The following NUP155 variants were observed in gnomAD, a reference collection of about 807,000 sequenced individuals.
NUP155 encodes the protein nuclear pore complex protein Nup155.
NUP155 carries 71 observed loss-of-function variants against 180.4 expected under a neutral mutation model. That is an observed-to-expected ratio of 0.39 (90% CI 0.33 to 0.48). The LOEUF (loss-of-function observed/expected upper bound fraction) is 0.48, where lower values mean the gene tolerates loss of function less well. Ranked by LOEUF, NUP155 falls within the 20% of genes least tolerant of loss-of-function variation. The probability of loss-of-function intolerance (pLI) is 0.91; values close to 1 mark genes in which losing one functional copy is unlikely to be tolerated. For synonymous variants in NUP155, 582 were observed against 559.5 expected (o/e 1.04, Z -0.57); for missense variants, 1,553 against 1,648.9 (o/e 0.94, Z 1.01).
chr5:37,313,471 A>G (rs997821536), intron 22 of NUP155, among the ~76,000 whole-genome samples: 1 of 94,438 alleles, frequency 1.1e-5, no homozygotes, highest in African/African-American at 5.2e-5. Context: ...GGAGTGGTGT[A>G]TATGTGTGTG....
At chr5:37,305,993 C>A (rs746482798) in intron 25 of NUP155, among the ~76,000 whole-genome samples, 29 of 152,170 alleles carry the variant, frequency 1.9e-4, no homozygotes, top group Non-Finnish European at 2.9e-4. Flanking sequence ...AATAGATGTA[C>A]ATATTTGGCA....
intron 32 of NUP155, among the ~76,000 whole-genome samples, chr5:37,298,003 C>A (rs1271726864): frequency 6.6e-6 from 1 of 150,930 alleles, no homozygotes; most frequent in African/African-American, 2.4e-5. Context: ...CTTGGGAGGC[C>A]AAGGCAAGCG....
At chr5:37,332,979 A>G (rs1745078170) in intron 13 of NUP155, among the ~76,000 whole-genome samples, 1 of 151,942 alleles carries the variant, frequency 6.6e-6, no homozygotes, top group African/African-American at 2.4e-5. Context: ...TAAATAAAAT[A>G]AAATATCAAC....
chr5:37,296,730 T>A (rs1742602346), intron 32 of NUP155, among the ~76,000 whole-genome samples: 1 of 147,316 alleles, frequency 6.8e-6, no homozygotes, highest in East Asian at 1.9e-4. Context: ...TTTCCTCACT[T>A]TAACAGCTTT....
Position 37,301,551 on chromosome 5 carries a change from C to T in NUP155, c.3448-1G>A. ...GTATCTGAAGTTGGATCCTAGCAAC[C>T]TAGTTTGGGCAGAAAACAGGATGTC... On this transcript the variant is annotated splice_acceptor_variant, in intron 29 of 34. Transcript: ENST00000231498. LOFTEE classifies it high-confidence loss of function. 1 of 1,566,384 alleles carries T rather than the reference C, an allele frequency of 6.4e-7. No individual in the cohort carries two copies. Among genetic ancestry groups the T allele is most frequent in the Non-Finnish European group, 8.8e-7 (1 of 1,136,742 alleles).
At chr5:37,303,943 C>T (rs1743004302) in intron 27 of NUP155, among the ~76,000 whole-genome samples, 1 of 149,964 alleles carries the variant, frequency 6.7e-6, no homozygotes, top group East Asian at 2.0e-4. Flanking sequence ...TGAGACCCTG[C>T]CTCAAAAAAG....
intron 17 of NUP155, among the ~76,000 whole-genome samples, chr5:37,328,000 G>A (rs1380058400): frequency 6.6e-6 from 1 of 152,182 alleles, no homozygotes; most frequent in African/African-American, 2.4e-5. Context: ...AGATTTAAAT[G>A]TGGATGGGTA....
At chr5:37,339,286 G>C (rs898428017) in intron 11 of NUP155, among the ~76,000 whole-genome samples, 3 of 149,030 alleles carry the variant, frequency 2.0e-5, no homozygotes, top group Admixed American at 6.7e-5. Context: ...ACTCCTGCTT[G>C]GGTGACAGTA....
chr5:37,297,600 G>C (rs944264587), intron 32 of NUP155, among the ~76,000 whole-genome samples: 1 of 151,662 alleles, frequency 6.6e-6, no homozygotes, highest in Non-Finnish European at 1.5e-5. Flanking sequence ...GGCTGGTCTC[G>C]AACTCCTGGG....
At chr5:37,296,662 C>T (rs1042428346) in intron 32 of NUP155, among the ~76,000 whole-genome samples, 3 of 150,060 alleles carry the variant, frequency 2.0e-5, no homozygotes, top group East Asian at 1.9e-4. Flanking sequence ...TCCCCCTCTG[C>T]GAGAAACACC....
chr5:37,308,336 T>C (rs1174430844), intron 24 of NUP155, among the ~76,000 whole-genome samples: 1 of 151,934 alleles, frequency 6.6e-6, no homozygotes, highest in Non-Finnish European at 1.5e-5. Context: ...GTGGATCACC[T>C]GAGGTCAGGA....
chr5:37,325,768 C>CA (rs58741619), intron 19 of NUP155, 133 bp downstream of exon 19: 78,600 of 354,766 alleles, frequency 0.22, 6,338 homozygotes, highest in African/African-American at 0.33. Context: ...GACTCTGTCT[C>CA]AAAAAAAAAA....
intron 19 of NUP155, 132 bp downstream of exon 19, chr5:37,325,769 A>C (rs1744556719): frequency 1.6e-5 from 1 of 64,218 alleles, no homozygotes. Flanking sequence ...ACTCTGTCTC[A>C]AAAAAAAAAA....
At chr5:37,304,588 G>A in intron 27 of NUP155, 151 bp downstream of exon 27, 1 of 655,724 alleles carries the variant, frequency 1.5e-6, no homozygotes, top group Non-Finnish European at 2.7e-6. Context: ...TTGCCCCTTA[G>A]GAAAAGATAC....
Position 37,371,048 on chromosome 5 carries a change from G to T in NUP155, c.-71C>A. 3 of 1,550,166 alleles carry T rather than the reference G, an allele frequency of 1.9e-6. No individual in the cohort carries two copies. Among genetic ancestry groups the T allele is most frequent in the Non-Finnish European group, 2.7e-6 (3 of 1,131,662 alleles). ...GGAGAAACAAGAAAAGATCCAAGAA[G>T]TTAGCTTAGATCCGCCGCCTAGGGC... On this transcript the variant is annotated 5_prime_UTR_variant, in exon 1 of 35. Coordinates refer to ENST00000231498, the MANE Select transcript of NUP155 (RefSeq NM_153485.3).
chr5:37,368,108 T>G (rs1747721232), intron 1 of NUP155, among the ~76,000 whole-genome samples: 1 of 151,778 alleles, frequency 6.6e-6, no homozygotes, highest in African/African-American at 2.4e-5. Flanking sequence ...GGTTTTGCCA[T>G]GTTGCTCACT....
At position 37,314,219 on chromosome 5, in the gene NUP155, G is replaced by A; in HGVS notation, c.2415C>T (p.Ile805=). 1 of 1,608,526 alleles carries A rather than the reference G, an allele frequency of 6.2e-7. No homozygotes were observed. Among genetic ancestry groups the A allele is most frequent in the East Asian group, 2.2e-5 (1 of 44,826 alleles). ...WKLLCEHQFT[I]IVAELQKELQ... is the part of the protein sequence containing the mutation. ...TTACCTTCTGAAGTTCTGCCACAATGATAGTGAATTGATGTTCACAAAGAA... is the reference window on the plus strand; with the variant it reads ...TTACCTTCTGAAGTTCTGCCACAATAATAGTGAATTGATGTTCACAAAGAA... The change falls in exon 22 of 35, where the codon ATC becomes ATT. Residue 805 remains isoleucine, a synonymous_variant. Transcript: ENST00000231498.
In NUP155 at chr5:37,290,904, T is replaced by C. The variant is rs1043305100; in HGVS notation, c.*996A>G. 3.9e-5 allele frequency: 6 copies of C among 152,348 alleles called. No individual in the cohort carries two copies. Among genetic ancestry groups the C allele is most frequent in the African/African-American group, 1.2e-4 (5 of 41,574 alleles). The allele number at this position is 152,348 out of a possible 1,614,324, so 9.4% of individuals were successfully genotyped here. On this transcript the variant is annotated 3_prime_UTR_variant, in exon 35 of 35. Transcript: ENST00000231498. ...TCCTAGGTGATGCTGATGCTGATGC[T>C]GATGCTTCTGGTTTGGAGCACATAC...
intron 11 of NUP155, 111 bp from the exon 12 acceptor site, chr5:37,338,029 T>G (rs888566146): frequency 2.8e-6 from 2 of 713,270 alleles, no homozygotes; most frequent in African/African-American, 1.8e-5. Flanking sequence ...CAATTAAAAT[T>G]ATAAAACCGG....
Sources: gnomAD v4.1 joint callset for allele counts (sites outside exome capture counted in the v4.1 genomes callset) on GRCh38, gnomAD v4.1.1 for gene constraint, MANE v1.5 for transcripts, NCBI Gene and HGNC (gene_info 2026-07-23, HGNC 2026-07-21) for gene names.